MLIP: variants seen among roughly 807,000 people sequenced by gnomAD.
MLIP encodes the protein muscular LMNA-interacting protein.
A neutral mutation model predicts 84.8 loss-of-function variants in MLIP; 79 were observed. That is an observed-to-expected ratio of 0.93 (90% CI 0.78 to 1.12). MLIP has a LOEUF of 1.12. Among genes scored for constraint, MLIP ranks in the 50% most tolerant of loss-of-function variants. MLIP has a pLI of 0.00. For synonymous variants in MLIP, 504 were observed against 463.0 expected (o/e 1.09, Z -1.14); for missense variants, 1,257 against 1,160.6 (o/e 1.08, Z -1.21).
At chr6:54,206,853 T>C (rs1004782816) in intron 11 of MLIP, among the ~76,000 whole-genome samples, 6 of 152,210 alleles carry the variant, frequency 3.9e-5, no homozygotes, top group Non-Finnish European at 8.8e-5. Context: ...TGCCTTTTAC[T>C]CTCTCTGAAA....
chr6:54,185,317 C>A (rs1777280835), intron 9 of MLIP, among the ~76,000 whole-genome samples: 1 of 152,162 alleles, frequency 6.6e-6, no homozygotes, highest in African/African-American at 2.4e-5. Context: ...TGCATATCCA[C>A]TCCACATTGT....
chr6:54,034,432 A>T (rs1764311153), intron 1 of MLIP, among the ~76,000 whole-genome samples: 1 of 152,212 alleles, frequency 6.6e-6, no homozygotes, highest in Non-Finnish European at 1.5e-5. Flanking sequence ...GTCATATAAG[A>T]TTATAATGGA....
At chr6:54,197,616 T>A (rs914091969) in intron 10 of MLIP, among the ~76,000 whole-genome samples, 1 of 152,128 alleles carries the variant, frequency 6.6e-6, no homozygotes, top group Non-Finnish European at 1.5e-5. Flanking sequence ...TGAGAGTCAT[T>A]ACATTTTTTA....
At chr6:54,211,130 C>T (rs1379984420) in intron 11 of MLIP, among the ~76,000 whole-genome samples, 1 of 152,154 alleles carries the variant, frequency 6.6e-6, no homozygotes, top group African/African-American at 2.4e-5. Context: ...ATCCCAGCTA[C>T]TCAGGAGTCT....
intron 11 of MLIP, among the ~76,000 whole-genome samples, chr6:54,210,761 A>G (rs1779397242): frequency 6.7e-6 from 1 of 149,612 alleles, no homozygotes; most frequent in South Asian, 2.1e-4. Flanking sequence ...CTAATGTTCA[A>G]ATAAGGGCAT....
intron 1 of MLIP, among the ~76,000 whole-genome samples, chr6:54,092,780 A>G (rs1767947914): frequency 6.6e-6 from 1 of 152,310 alleles, no homozygotes; most frequent in African/African-American, 2.4e-5. Context: ...GAGAGGATTG[A>G]TAAGAATTAT....
At chr6:54,032,187 A>G (rs1764178249) in intron 1 of MLIP, among the ~76,000 whole-genome samples, 1 of 152,108 alleles carries the variant, frequency 6.6e-6, no homozygotes, top group African/African-American at 2.4e-5. Flanking sequence ...GAGAGGTTAT[A>G]TTTACAATTC....
At chr6:54,171,023 T>G (rs1775719457) in intron 9 of MLIP, among the ~76,000 whole-genome samples, 1 of 151,524 alleles carries the variant, frequency 6.6e-6, no homozygotes, top group African/African-American at 2.4e-5. Context: ...TCTTCTTTTA[T>G]CTACTCTTGC....
At chr6:54,238,796 T>C (rs1459907377) in intron 12 of MLIP, among the ~76,000 whole-genome samples, 1 of 152,236 alleles carries the variant, frequency 6.6e-6, no homozygotes, top group African/African-American at 2.4e-5. Context: ...ACAGCCATCC[T>C]TGAGGATATT....
At chr6:54,116,234 C>T (rs1438951717) in intron 1 of MLIP, among the ~76,000 whole-genome samples, 4 of 152,096 alleles carry the variant, frequency 2.6e-5, no homozygotes, top group African/African-American at 9.7e-5. Context: ...TGTCATATTT[C>T]TTCTGACAGG....
At chr6:54,234,387 C>G (rs942831414) in intron 12 of MLIP, among the ~76,000 whole-genome samples, 1 of 152,208 alleles carries the variant, frequency 6.6e-6, no homozygotes. Flanking sequence ...AAAGTTAGAT[C>G]TTATTATCAC....
intron 3 of MLIP, among the ~76,000 whole-genome samples, chr6:54,128,483 G>A (rs1009448503): frequency 3.9e-5 from 6 of 152,032 alleles, no homozygotes; most frequent in South Asian, 2.1e-4. Context: ...TTTATGCAGT[G>A]GAAACTAATG....
intron 8 of MLIP, among the ~76,000 whole-genome samples, 153 bp downstream of exon 8, chr6:54,160,952 A>T (rs1243200847): frequency 6.6e-6 from 1 of 152,086 alleles, no homozygotes; most frequent in African/African-American, 2.4e-5. Flanking sequence ...AGTAAATATT[A>T]GACTTGATTT....
chr6:54,146,089 G>A (rs190121191), intron 4 of MLIP, among the ~76,000 whole-genome samples: 76 of 152,106 alleles, frequency 5.0e-4, no homozygotes, highest in Middle Eastern at 3.4e-3. Flanking sequence ...GTATAAAAAG[G>A]TATAAATAAG....
Position 54,137,104 on chromosome 6 carries a change from CTCT to C in MLIP, c.1042_1044del (p.Ser348del), listed in dbSNP as rs1561968573. On this transcript the variant is annotated inframe_deletion, in exon 4 of 14. Transcript: ENST00000502396. ...TTAGTCACGGAGAAAGTCCGAGAAC[CTCT>C]TCTTCTCCACCGTCCTCCAGTGCTT... The C allele has an allele frequency of 2.1e-5, 33 of 1,535,934 alleles. No individual in the cohort carries two copies. The highest frequency in any genetic ancestry group is 2.7e-5 in the African/African-American group (2 of 73,018).
chr6:54,071,980 C>T (rs1487916876), intron 1 of MLIP, among the ~76,000 whole-genome samples: 1 of 152,160 alleles, frequency 6.6e-6, no homozygotes, highest in East Asian at 1.9e-4. Context: ...ACAGCTTGAA[C>T]ATTATAAAAC....
At chr6:54,094,405 ATT>A (rs1443079557) in intron 1 of MLIP, among the ~76,000 whole-genome samples, 1 of 152,034 alleles carries the variant, frequency 6.6e-6, no homozygotes, top group African/African-American at 2.4e-5. Context: ...GCATATTTTT[ATT>A]TTATTCTGGA....
chr6:54,132,400 A>G (rs1038745427), intron 3 of MLIP, among the ~76,000 whole-genome samples: 1 of 152,232 alleles, frequency 6.6e-6, no homozygotes, highest in Non-Finnish European at 1.5e-5. Context: ...GCTGTGATTC[A>G]GAGTACACAA....
At position 54,213,734 on chromosome 6, in the gene MLIP, A is replaced by AAAAAAACC. The variant is rs368508685; in HGVS notation, c.2718+11503_2718+11504insAAAACCAA. Among the ~76,000 whole-genome samples the AAAAAAACC allele has an allele frequency of 2.2e-4, 18 of 82,364 alleles. 5 individuals carry two copies. Among genetic ancestry groups the AAAAAAACC allele is most frequent in the South Asian group, 4.2e-4 (1 of 2,402 alleles). 54.0% of individuals were successfully genotyped at this position (82,364 alleles called of 152,430 possible). Reference sequence around the variant, plus strand: ...AAAAAAAAAAAAAAAAAAAAAAAAAAAACAACAAACAGCATATCTTGTATG... The same window carrying AAAAAAACC: ...AAAAAAAAAAAAAAAAAAAAAAAAAAAAAAAACCAACAACAAACAGCATATCTTGTATG... On this transcript the variant is annotated intron_variant, in intron 11 of 13. Coordinates refer to ENST00000502396, the MANE Select transcript of MLIP (RefSeq NM_001281747.2).
Sources: allele counts gnomAD v4.1 joint callset (sites outside exome capture counted in the v4.1 genomes callset), GRCh38; gene constraint gnomAD v4.1.1; transcripts MANE v1.5; gene names NCBI Gene and HGNC (gene_info 2026-07-23, HGNC 2026-07-21).